The following SWT1 variants were observed in gnomAD, a reference collection of about 807,000 sequenced individuals.
SWT1 encodes transcriptional protein SWT1.
A neutral mutation model predicts 107.3 loss-of-function variants in SWT1; 33 were observed. The ratio of observed to expected loss-of-function variants is 0.31; its 90% CI spans 0.23 to 0.41. The LOEUF is 0.41. Ranked by LOEUF, SWT1 falls within the 10% of genes least tolerant of loss-of-function variation. SWT1 has a pLI of 1.00. For missense variants in SWT1, 898 were observed against 1,028.9 expected (o/e 0.87, Z 1.74); for synonymous variants, 345 against 348.3 (o/e 0.99, Z 0.11).
intron 16 of SWT1, among the ~76,000 whole-genome samples, chr1:185,256,085 C>CT (rs1369748921): frequency 2.0e-5 from 3 of 150,518 alleles, no homozygotes; most frequent in Non-Finnish European, 3.0e-5. Context: ...AAATTCTTTT[C>CT]TTTAAGAATG....
chr1:185,257,453 T>A (rs1662655651), intron 16 of SWT1, among the ~76,000 whole-genome samples: 1 of 152,228 alleles, frequency 6.6e-6, no homozygotes. Flanking sequence ...CGTAGGACCC[T>A]CCGAGCCAGG....
chr1:185,162,654 T>C (rs1456549948), intron 2 of SWT1, among the ~76,000 whole-genome samples: 1 of 152,170 alleles, frequency 6.6e-6, no homozygotes, highest in Non-Finnish European at 1.5e-5. Context: ...TTTTATAATG[T>C]ATAGGCATAC....
chr1:185,286,558 A>G (rs1044201446), intron 18 of SWT1, among the ~76,000 whole-genome samples: 11 of 152,076 alleles, frequency 7.2e-5, no homozygotes, highest in African/African-American at 2.2e-4. Context: ...GATTAAATTG[A>G]TTCCCGAGTA....
intron 13 of SWT1, among the ~76,000 whole-genome samples, chr1:185,207,167 C>T (rs1658400270): frequency 6.6e-6 from 1 of 152,074 alleles, no homozygotes; most frequent in African/African-American, 2.4e-5. Context: ...ATTTCATGTA[C>T]TAATTTTCAG....
At chr1:185,197,595 T>A (rs2102432791) in intron 10 of SWT1, among the ~76,000 whole-genome samples, 1 of 152,316 alleles carries the variant, frequency 6.6e-6, no homozygotes, top group East Asian at 1.9e-4. Context: ...CCTGGACTTT[T>A]TTGGTTGGTA....
intron 12 of SWT1, among the ~76,000 whole-genome samples, chr1:185,206,028 G>T (rs1002358125): frequency 4.0e-5 from 6 of 151,544 alleles, no homozygotes; most frequent in African/African-American, 1.2e-4. Context: ...GCGTGATCTC[G>T]GCTCACTGCA....
At chr1:185,236,961 T>C (rs1660928261) in intron 16 of SWT1, among the ~76,000 whole-genome samples, 1 of 152,152 alleles carries the variant, frequency 6.6e-6, no homozygotes, top group Non-Finnish European at 1.5e-5. Context: ...TGAAAAAAGC[T>C]CATCATCACT....
rs1665243555 is a variant in SWT1, at chr1:185,291,441, C to T, written c.*638C>T. On this transcript the variant is annotated 3_prime_UTR_variant, in exon 19 of 19. Coordinates refer to ENST00000367500, the MANE Select transcript of SWT1 (RefSeq NM_017673.7). ...TTTCTAGTGGGGAAGAGCAGGGCGA[C>T]CCCTCTGCTGGGTTTCTCCTTAAAT... 1 of 152,532 alleles carries T rather than the reference C, an allele frequency of 6.6e-6. No individual in the cohort carries two copies. Among genetic ancestry groups the T allele is most frequent in the Non-Finnish European group, 1.5e-5 (1 of 68,028 alleles). 9.4% of individuals were successfully genotyped at this position (152,532 alleles called of 1,614,324 possible). A position where few individuals can be genotyped will look rare whatever the true frequency, so the allele number is the denominator to read the frequency against.
chr1:185,249,445 A>G (rs1282117492), intron 16 of SWT1, among the ~76,000 whole-genome samples: 3 of 152,044 alleles, frequency 2.0e-5, no homozygotes, highest in African/African-American at 7.3e-5. Flanking sequence ...ACATCCCTCC[A>G]ACTGACAAGA....
chr1:185,165,729 T>G (rs1654514685), intron 2 of SWT1, among the ~76,000 whole-genome samples: 1 of 152,204 alleles, frequency 6.6e-6, no homozygotes, highest in African/African-American at 2.4e-5. Context: ...CCCATCCCCC[T>G]GACACTCTCC....
chr1:185,222,789 C>CAAAAAAAAAAAAAAAAAAAAAAA (rs1659767088), intron 15 of SWT1, among the ~76,000 whole-genome samples: 2 of 132,976 alleles, frequency 1.5e-5, no homozygotes, highest in African/African-American at 3.0e-5. Context: ...AAAAAAAAAT[C>CAAAAAAAAAAAAAAAAAAAAAAA]AAAAGCCTCT....
intron 10 of SWT1, 38 bp from the exon 11 acceptor site, chr1:185,202,616 A>C (rs1657977266): frequency 1.3e-6 from 2 of 1,583,900 alleles, no homozygotes; most frequent in East Asian, 4.6e-5. Context: ...CCTTATAAAA[A>C]ATATTTTTTC....
chr1:185,181,901 T>C (rs748109260), intron 6 of SWT1, 45 bp from the exon 7 acceptor site: 3 of 1,608,084 alleles, frequency 1.9e-6, no homozygotes, highest in South Asian at 2.2e-5. Flanking sequence ...CTTGTCAGTC[T>C]GCAAAGTAAC....
chr1:185,284,856 AT>A (rs1664854296), intron 18 of SWT1, among the ~76,000 whole-genome samples: 1 of 150,982 alleles, frequency 6.6e-6, no homozygotes, highest in Non-Finnish European at 1.5e-5. Context: ...GGACCTGATA[AT>A]TTAAACAGGC....
chr1:185,166,456 C>A, intron 2 of SWT1, 116 bp from the exon 3 acceptor site: 3 of 637,558 alleles, frequency 4.7e-6, no homozygotes, highest in Non-Finnish European at 8.0e-6. Context: ...TGTTCCCCAC[C>A]GAAGTTCATT....
intron 11 of SWT1, among the ~76,000 whole-genome samples, chr1:185,203,661 AT>A (rs966416321): frequency 1.3e-5 from 2 of 151,404 alleles, no homozygotes; most frequent in Non-Finnish European, 3.0e-5. Flanking sequence ...CTATTATTTC[AT>A]TTTTTTTCAC....
chr1:185,272,044 G>A (rs75506377), intron 17 of SWT1, among the ~76,000 whole-genome samples: 1,751 of 152,234 alleles, frequency 0.012, 66 homozygotes, highest in East Asian at 0.087. Context: ...TGCCTGTAGC[G>A]ATACCAGTTG....
chr1:185,197,584 T>C (rs1558032679), intron 10 of SWT1, among the ~76,000 whole-genome samples: 1 of 152,184 alleles, frequency 6.6e-6, no homozygotes, highest in Non-Finnish European at 1.5e-5. Context: ...ATCCGTCTGG[T>C]CCTGGACTTT....
intron 16 of SWT1, chr1:185,264,588 A>T (rs1663245683): frequency 2.9e-6 from 1 of 347,700 alleles, no homozygotes; most frequent in African/African-American, 2.2e-5. Context: ...TGACATAAGT[A>T]CTATTGTTGT....
Sources: gnomAD v4.1 joint callset for allele counts (sites outside exome capture counted in the v4.1 genomes callset) on GRCh38, gnomAD v4.1.1 for gene constraint, MANE v1.5 for transcripts, NCBI Gene and HGNC (gene_info 2026-07-23, HGNC 2026-07-21) for gene names.